The following GALNT9 variants were observed in gnomAD, a reference collection of about 807,000 sequenced individuals.
GALNT9 encodes GalNAc transferase 9.
GALNT9 carries 47 observed loss-of-function variants against 63.1 expected under a neutral mutation model. The observed-to-expected ratio is 0.75, with a 90% CI of 0.59 to 0.95. GALNT9 has a LOEUF of 0.95. Among genes scored for constraint, GALNT9 ranks in the 40% least tolerant of loss-of-function variants. GALNT9 has a pLI of 0.00. For missense variants in GALNT9, 829 were observed against 874.8 expected, an observed-to-expected ratio of 0.95 and a Z score of 0.66; for synonymous variants, 396 against 365.7, an observed-to-expected ratio of 1.08 and a Z score of -0.94.
chr12:132,317,152 A>G (rs993659415), intron 1 of GALNT9, among the ~76,000 whole-genome samples: 7 of 132,906 alleles, frequency 5.3e-5, no homozygotes, highest in Non-Finnish European at 9.0e-5. Flanking sequence ...CCTACACCCC[A>G]CAGAGCACGG....
chr12:132,299,256 C>A lies in GALNT9; in HGVS notation c.239-12826G>T, dbSNP rs1248724958. ...CACACCTAACCATACCTGAGATGAC[C>A]AAGCCACTCCTGAGATAACTCACTC... On this transcript the variant is annotated intron_variant, in intron 1 of 10. Transcript: ENST00000328957. Among the ~76,000 whole-genome samples the A allele has an allele frequency of 5.5e-5, 8 of 144,416 alleles. 1 individual carries two copies. Among genetic ancestry groups the A allele is most frequent in the African/African-American group, 1.6e-4 (6 of 38,682 alleles). 94.7% of individuals were successfully genotyped at this position (144,416 alleles called of 152,430 possible).
chr12:132,257,526 G>A (rs1269749660), intron 5 of GALNT9, among the ~76,000 whole-genome samples, 163 bp downstream of exon 5: 20 of 112,338 alleles, frequency 1.8e-4, no homozygotes, highest in African/African-American at 7.5e-4. Context: ...CCTCGTCCCC[G>A]GCCCTCATCC....
chr12:132,255,843 C>T (rs1339594246), intron 5 of GALNT9, among the ~76,000 whole-genome samples: 2 of 152,184 alleles, frequency 1.3e-5, no homozygotes, highest in African/African-American at 4.8e-5. Flanking sequence ...CGTGGACCCA[C>T]ATGCGCCTTT....
At chr12:132,301,953 A>G (rs901274668) in intron 1 of GALNT9, among the ~76,000 whole-genome samples, 1 of 152,228 alleles carries the variant, frequency 6.6e-6, no homozygotes, top group Non-Finnish European at 1.5e-5. Flanking sequence ...GGTAACATCC[A>G]TCAGACGCTT....
At chr12:132,305,565 ACCCTCACCCAGACACG>A (rs1881572247) in intron 1 of GALNT9, among the ~76,000 whole-genome samples, 4 of 142,376 alleles carry the variant, frequency 2.8e-5, no homozygotes, top group Admixed American at 2.1e-4. Flanking sequence ...ACCGGGGCAC[ACCCTCACCCAGACACG>A]CCCTCACCCG....
chr12:132,292,907 T>C (rs535570390), intron 1 of GALNT9, among the ~76,000 whole-genome samples: 1 of 150,902 alleles, frequency 6.6e-6, no homozygotes, highest in Non-Finnish European at 1.5e-5. Flanking sequence ...TCACGGAAAA[T>C]ACTAGAAAGA....
At chr12:132,202,882 A>AAAAC (rs1188262787) in intron 7 of GALNT9, among the ~76,000 whole-genome samples, 26 of 152,274 alleles carry the variant, frequency 1.7e-4, no homozygotes, top group East Asian at 7.7e-4. Flanking sequence ...TACAAATTAG[A>AAAAC]AAACAAACAG....
At position 132,295,983 on chromosome 12, in the gene GALNT9, A is replaced by G. The variant is rs142212651; in HGVS notation, c.239-9553T>C. On this transcript the variant is annotated intron_variant, in intron 1 of 10. Coordinates refer to ENST00000328957, the MANE Select transcript of GALNT9 (RefSeq NM_001122636.2). Reference sequence around the variant, plus strand: ...GGCCTCCGGAACAGGGAGAGCCTCCAAACAGGGACGGCCTCCGGAACAGGG... The same window carrying G: ...GGCCTCCGGAACAGGGAGAGCCTCCGAACAGGGACGGCCTCCGGAACAGGG... Among the ~76,000 whole-genome samples the G allele has an allele frequency of 7.9e-4, 76 of 96,172 alleles. 1 individual carries two copies. The highest frequency in any genetic ancestry group is 4.2e-3 in the East Asian group (10 of 2,358). 63.1% of individuals were successfully genotyped at this position (96,172 alleles called of 152,430 possible). A position where few individuals can be genotyped will look rare whatever the true frequency, so the allele number is the denominator to read the frequency against.
chr12:132,271,185 G>A (rs576472215), intron 2 of GALNT9, among the ~76,000 whole-genome samples: 1 of 152,220 alleles, frequency 6.6e-6, no homozygotes, highest in East Asian at 1.9e-4. Flanking sequence ...TCAGCAGGGC[G>A]GTCACACGTG....
At chr12:132,268,105 TCACA>T (rs142014468) in intron 2 of GALNT9, among the ~76,000 whole-genome samples, 2 of 145,992 alleles carry the variant, frequency 1.4e-5, no homozygotes, top group Non-Finnish European at 3.0e-5. Flanking sequence ...ACACGCGCAC[TCACA>T]CACACAAACC....
At chr12:132,223,017 CCCT>C in intron 6 of GALNT9, among the ~76,000 whole-genome samples, 1 of 116,184 alleles carries the variant, frequency 8.6e-6, no homozygotes, top group Non-Finnish European at 1.9e-5. Flanking sequence ...ACAACCCACA[CCCT>C]ACACAACCCG....
At position 132,319,820 on chromosome 12, in the gene GALNT9, G is replaced by A. The variant is rs548865573; in HGVS notation, c.238+9146C>T. 1.3e-5 allele frequency among the ~76,000 whole-genome samples: 2 copies of A among 152,280 alleles called. No individual in the cohort carries two copies. Among genetic ancestry groups the A allele is most frequent in the Admixed American group, 6.5e-5 (1 of 15,304 alleles). On this transcript the variant is annotated intron_variant, in intron 1 of 10. Transcript: ENST00000328957. This position sits in a 1 kb window ranked among gnomAD's most constrained non-coding sequence, Gnocchi z 5.2. The stretch of plus-strand genomic sequence containing the variant: ...CGGGCCTGGGTGCCCAGCCTCCCGC[G>A]TCCTTCTAGGGAGAAGCCGGATTTC...
At chr12:132,230,692 C>T (rs1877857557) in intron 6 of GALNT9, among the ~76,000 whole-genome samples, 1 of 152,254 alleles carries the variant, frequency 6.6e-6, no homozygotes, top group African/African-American at 2.4e-5. Flanking sequence ...AGGCCCGGTC[C>T]TCCTGTAGCT....
At chr12:132,230,222 T>C (rs1877840931) in intron 6 of GALNT9, among the ~76,000 whole-genome samples, 1 of 152,194 alleles carries the variant, frequency 6.6e-6, no homozygotes, top group Admixed American at 6.5e-5. Context: ...CCCTGCCATG[T>C]GTGTGCGTGC....
rs928883099 is a variant in GALNT9, at chr12:132,201,397, G to GCCCCATCCAGTTGGGAC, written c.1264-153_1264-137dup. On this transcript the variant is annotated intron_variant, in intron 7 of 10. Transcript: ENST00000328957. ...TCCCCCCCAGTATTCAGATGCTGAGGCCCCATCCAGTTGGGACCCCCCAGC... is the reference window on the plus strand; with the variant it reads ...TCCCCCCCAGTATTCAGATGCTGAGGCCCCATCCAGTTGGGACCCCCATCCAGTTGGGACCCCCCAGC... The GCCCCATCCAGTTGGGAC allele has an allele frequency of 8.4e-5, 48 of 568,700 alleles. No homozygotes were observed. The East Asian group carries it at 1.3e-3, about 16-fold the overall frequency. 35.2% of individuals were successfully genotyped at this position (568,700 alleles called of 1,614,324 possible).
In GALNT9 at chr12:132,203,541, C is replaced by G; in HGVS notation, c.1227G>C (p.Lys409Asn). Residue 409 changes from lysine to asparagine, a missense_variant, in exon 7 of 11, where the codon AAG (lysine) becomes AAC (asparagine). By Grantham distance (94) the Lys-to-Asn change is moderately conservative. Transcript: ENST00000328957. Reference sequence around the variant, plus strand: ...TGTTCCAGGCCATGTACACGTGGGACTTGAAGTCATCCATCCACACCTCGG... The same window carrying G: ...TGTTCCAGGCCATGTACACGTGGGAGTTGAAGTCATCCATCCACACCTCGG... Reference protein sequence around the residue: ...RAAEVWMDDFKSHVYMAWNIP... With the variant: ...RAAEVWMDDFNSHVYMAWNIP... 2 of 1,614,000 alleles carry G rather than the reference C, an allele frequency of 1.2e-6. No homozygotes were observed. The highest frequency in any genetic ancestry group is 1.1e-5 in the South Asian group (1 of 91,086).
At chr12:132,295,947 C>CG (rs1191985606) in intron 1 of GALNT9, among the ~76,000 whole-genome samples, 1 of 125,198 alleles carries the variant, frequency 8.0e-6, no homozygotes, top group Admixed American at 7.7e-5. Flanking sequence ...GGACGGCCTC[C>CG]GAACAGGGAC....
At chr12:132,291,241 GCGCC>G (rs1880818479) in intron 1 of GALNT9, among the ~76,000 whole-genome samples, 2 of 34,564 alleles carry the variant, frequency 5.8e-5, no homozygotes, top group Admixed American at 2.8e-4. Flanking sequence ...CACGTCCACA[GCGCC>G]CACGTCCTCA....
In GALNT9 at chr12:132,219,738, C is replaced by T. The variant is rs1326244504; in HGVS notation, c.1078-16048G>A. Reference sequence around the variant, plus strand: ...ACACCTCCCCAGGGTGACACCCGCCCGGGTAAGGGGAAGGGACACCTCCCC... The same window carrying T: ...ACACCTCCCCAGGGTGACACCCGCCTGGGTAAGGGGAAGGGACACCTCCCC... On this transcript the variant is annotated intron_variant, in intron 6 of 10. Transcript: ENST00000328957. Among the ~76,000 whole-genome samples the T allele has an allele frequency of 1.8e-3, 193 of 106,684 alleles. 1 individual carries two copies. Among genetic ancestry groups the T allele is most frequent in the Non-Finnish European group, 1.1e-3 (58 of 52,196 alleles). The allele number at this position is 106,684 out of a possible 152,430, so 70.0% of individuals were successfully genotyped here.
Sources: allele counts gnomAD v4.1 joint callset (sites outside exome capture counted in the v4.1 genomes callset), GRCh38; gene constraint gnomAD v4.1.1; non-coding constraint Gnocchi (gnomAD v3.1); transcripts MANE v1.5; gene names NCBI Gene and HGNC (gene_info 2026-07-23, HGNC 2026-07-21).